The following ECSCR variants were observed in gnomAD, a reference collection of about 807,000 sequenced individuals.
ECSCR encodes the protein endothelial cell-specific chemotaxis regulator.
In ECSCR, 12 loss-of-function variants were observed where a neutral mutation model predicts 16.7. The ratio of observed to expected loss-of-function variants is 0.72; its 90% confidence interval spans 0.46 to 1.17. ECSCR has a LOEUF of 1.17. Among genes scored for constraint, ECSCR ranks in the 50% most tolerant of loss-of-function variants. The probability of loss-of-function intolerance (pLI) is 0.00; values close to 1 mark genes in which losing one functional copy is unlikely to be tolerated. For missense variants in ECSCR, 122 were observed against 116.1 expected (o/e 1.05, Z -0.23); for synonymous variants, 44 against 42.2 (o/e 1.04, Z -0.17).
rs1377920871 is a variant in ECSCR at position 139,449,919 on chromosome 5, G to A, written c.513-745C>T. ...AATTTTTTTTTTTTCCCCTTGAAAC[G>A]GAGTCTTGCTCTGTCACCCAGGCTG... On this transcript the variant is annotated intron_variant, in intron 8 of 9. Transcript: ENST00000618155. Among the ~76,000 whole-genome samples the A allele has an allele frequency of 3.3e-5, 5 of 149,688 alleles. 1 individual carries two copies. The highest frequency in any genetic ancestry group is 4.2e-4 in the South Asian group (2 of 4,706).
intron 8 of ECSCR, among the ~76,000 whole-genome samples, chr5:139,453,789 C>T (rs1322013363): frequency 4.7e-5 from 1 of 21,150 alleles, no homozygotes; most frequent in Non-Finnish European, 9.8e-5. Flanking sequence ...GTGTATAGTA[C>T]AGGGTGTGTG....
chr5:139,461,607 G>C (rs1279337074), intron 1 of ECSCR, among the ~76,000 whole-genome samples: 4 of 152,152 alleles, frequency 2.6e-5, no homozygotes, highest in African/African-American at 4.8e-5. Context: ...CAACAGCCTT[G>C]TTCCCCAGCC....
intron 8 of ECSCR, among the ~76,000 whole-genome samples, chr5:139,451,453 T>A (rs1343810244): frequency 6.7e-6 from 1 of 148,294 alleles, no homozygotes; most frequent in African/African-American, 2.5e-5. Flanking sequence ...ATGTGTGTAG[T>A]ATGAGGTACG....
chr5:139,458,314 T>A (rs1250494929), intron 1 of ECSCR, 131 bp from the exon 2 acceptor site: 2 of 797,198 alleles, frequency 2.5e-6, no homozygotes, highest in Non-Finnish European at 4.0e-6. Flanking sequence ...AAAAAAATTT[T>A]GTTTTGTTTT....
chr5:139,454,318 TG>T (rs1471156742), intron 8 of ECSCR, among the ~76,000 whole-genome samples: 1 of 145,690 alleles, frequency 6.9e-6, no homozygotes, highest in African/African-American at 2.6e-5. Context: ...GTGTATAATA[TG>T]GGGGTTGTGT....
chr5:139,452,208 G>A (rs2152088329), intron 8 of ECSCR, among the ~76,000 whole-genome samples: 1 of 146,556 alleles, frequency 6.8e-6, no homozygotes, highest in East Asian at 2.1e-4. Flanking sequence ...TGTGGGATGT[G>A]TGGTGTGTGG....
At chr5:139,457,697 C>G in intron 3 of ECSCR, 60 bp downstream of exon 3, 1 of 1,595,320 alleles carries the variant, frequency 6.3e-7, no homozygotes, top group Non-Finnish European at 8.6e-7. Context: ...GGGCTCCAAG[C>G]AGGTCTGAAT....
In ECSCR at chr5:139,454,883, G is replaced by A; in HGVS notation, c.417C>T (p.Ile139=). The change falls in exon 7 of 10, where the codon ATC becomes ATT. Residue 139 remains isoleucine (I), a synonymous_variant. Coordinates refer to ENST00000618155, the MANE Select transcript of ECSCR (RefSeq NM_001077693.4). The part of the protein sequence containing the change: ...SFIVILVVVV[I]ILVGVVSLRF... ...TCAGGCTGACCACACCAACTAGGAT[G>A]ATCACCACAACCACCAGGATGACAA... is the stretch of plus-strand genomic sequence containing the variant. 2.5e-6 allele frequency: 1 copy of A among 398,688 alleles called. No homozygotes were observed. The highest frequency in any genetic ancestry group is 4.4e-6 in the Non-Finnish European group (1 of 226,260). 24.7% of individuals were successfully genotyped at this position (398,688 alleles called of 1,614,324 possible). A position where few individuals can be genotyped will look rare whatever the true frequency, so the allele number is the denominator to read the frequency against.
At chr5:139,456,084 T>C (rs1050303947) in intron 5 of ECSCR, among the ~76,000 whole-genome samples, 3 of 152,086 alleles carry the variant, frequency 2.0e-5, no homozygotes, top group Non-Finnish European at 4.4e-5. Flanking sequence ...ATTGTGCCAC[T>C]GCACTCCAGC....
chr5:139,455,102 C>T (rs1751127614), intron 6 of ECSCR, among the ~76,000 whole-genome samples, 179 bp from the exon 7 acceptor site: 1 of 152,044 alleles, frequency 6.6e-6, no homozygotes, highest in East Asian at 1.9e-4. Context: ...CCAGAGTGGG[C>T]TCTCCACCCG....
intron 7 of ECSCR, 35 bp from the exon 8 acceptor site, chr5:139,454,673 A>C (rs1751118427): frequency 2.5e-6 from 1 of 398,314 alleles, no homozygotes; most frequent in Non-Finnish European, 4.4e-6. Flanking sequence ...TGGGGCTCAC[A>C]TGCTGTAACT....
At chr5:139,457,972 T>C in intron 2 of ECSCR, 165 bp from the exon 3 acceptor site, 1 of 618,012 alleles carries the variant, frequency 1.6e-6, no homozygotes, top group Non-Finnish European at 2.0e-6. Flanking sequence ...TCAGCTAGGC[T>C]GAAAAAAAAT....
chr5:139,448,776 A>C lies in ECSCR; in HGVS notation c.*124T>G. 6.7e-7 allele frequency: 1 copy of C among 1,491,210 alleles called. No homozygotes were observed. The highest frequency in any genetic ancestry group is 8.9e-7 in the Non-Finnish European group (1 of 1,126,060). 92.4% of individuals were successfully genotyped at this position (1,491,210 alleles called of 1,614,324 possible). A position where few individuals can be genotyped will look rare whatever the true frequency, so the allele number is the denominator to read the frequency against. ...AATGCTAGTGTCCTTTAGATCTAGA[A>C]GCAGACATGAAACAATAAAATAATT... is the stretch of plus-strand genomic sequence containing the variant. On this transcript the variant is annotated 3_prime_UTR_variant, in exon 10 of 10. Transcript: ENST00000618155.
intron 1 of ECSCR, among the ~76,000 whole-genome samples, chr5:139,458,478 AC>A (rs1183327610): frequency 1.5e-5 from 2 of 135,544 alleles, no homozygotes; most frequent in East Asian, 2.2e-4. Context: ...AGCCTGGGCA[AC>A]AGGTGGAGAC....
At chr5:139,457,439 G>A in intron 4 of ECSCR, 106 bp downstream of exon 4, 1 of 766,304 alleles carries the variant, frequency 1.3e-6, no homozygotes, top group Non-Finnish European at 2.4e-6. Context: ...CTATTTCCTT[G>A]TCTGTTCCCG....
chr5:139,455,214 C>G, intron 6 of ECSCR, 109 bp downstream of exon 6: 1 of 395,636 alleles, frequency 2.5e-6, no homozygotes, highest in East Asian at 3.6e-5. Flanking sequence ...CAGCCAGAAC[C>G]TCCTGGAACA....
chr5:139,457,661 A>C, intron 3 of ECSCR, 57 bp from the exon 4 acceptor site: 1 of 1,399,756 alleles, frequency 7.1e-7, no homozygotes, highest in Non-Finnish European at 1.0e-6. Flanking sequence ...GTGACACCAC[A>C]CTCCCTGTCC....
At chr5:139,460,778 T>C (rs1393170786) in intron 1 of ECSCR, among the ~76,000 whole-genome samples, 1 of 152,088 alleles carries the variant, frequency 6.6e-6, no homozygotes, top group African/African-American at 2.4e-5. Flanking sequence ...CCCTCTCTAA[T>C]TCTGTCTGCT....
chr5:139,456,348 C>G, intron 5 of ECSCR, 126 bp downstream of exon 5: 1 of 391,170 alleles, frequency 2.6e-6, no homozygotes, highest in Non-Finnish European at 4.5e-6. Flanking sequence ...CTTATCTCTC[C>G]TCACTTCCCC....
Sources: allele counts gnomAD v4.1 joint callset (sites outside exome capture counted in the v4.1 genomes callset), GRCh38; gene constraint gnomAD v4.1.1; transcripts MANE v1.5; gene names NCBI Gene and HGNC (gene_info 2026-07-23, HGNC 2026-07-21).